The following MYT1L variants were observed in gnomAD, a reference collection of about 807,000 sequenced individuals.
MYT1L encodes myelin transcription factor 1-like protein.
A neutral mutation model predicts 126.7 loss-of-function variants in MYT1L; 12 were observed. The observed-to-expected ratio is 0.09, with a 90% CI of 0.06 to 0.15. The LOEUF (loss-of-function observed/expected upper bound fraction) is 0.15. MYT1L is among the 10% of genes least tolerant of loss of function. The pLI is 1.00. For missense variants in MYT1L, 979 were observed against 1,585.2 expected (o/e 0.62, Z 6.49); for synonymous variants, 541 against 604.2 (o/e 0.90, Z 1.53).
rs544420363 is a variant in MYT1L, at chr2:2,070,335, C to T, written c.-303-16212G>A. On this transcript the variant is annotated intron_variant, in intron 3 of 24. Coordinates refer to ENST00000647738, the MANE Select transcript of MYT1L (RefSeq NM_001303052.2). ...TCTATCCATCCAACTGTCTAACCTG[C>T]GTTGCGACACCACCTCTCACCCCAC... 6.6e-5 allele frequency among the ~76,000 whole-genome samples: 10 copies of T among 152,320 alleles called. No homozygotes were observed. In the South Asian group the frequency reaches 1.2e-3, roughly 19 times the overall value.
intron 3 of MYT1L, among the ~76,000 whole-genome samples, chr2:2,068,508 A>G (rs1210260640): frequency 2.6e-5 from 4 of 152,148 alleles, no homozygotes; most frequent in Non-Finnish European, 4.4e-5. Flanking sequence ...CACATTCCAT[A>G]TTAGCTAAAA....
chr2:1,941,021 G>A (rs1024667154), intron 9 of MYT1L, among the ~76,000 whole-genome samples: 7 of 152,276 alleles, frequency 4.6e-5, no homozygotes, highest in South Asian at 2.1e-4. Flanking sequence ...GCTTTCCAGC[G>A]TTTAAAAACA....
chr2:1,992,793 T>C (rs2061543897), intron 5 of MYT1L, among the ~76,000 whole-genome samples: 1 of 152,180 alleles, frequency 6.6e-6, no homozygotes, highest in Admixed American at 6.5e-5. Flanking sequence ...CTTGTGGAAC[T>C]AACATTAGCC....
At chr2:2,076,659 A>T (rs532063310) in intron 3 of MYT1L, among the ~76,000 whole-genome samples, 3 of 152,362 alleles carry the variant, frequency 2.0e-5, no homozygotes, top group Middle Eastern at 3.4e-3. Flanking sequence ...AAGGAAAACA[A>T]AACTAAACTA....
chr2:1,936,881 T>C (rs1187891973), intron 9 of MYT1L, among the ~76,000 whole-genome samples: 2 of 152,174 alleles, frequency 1.3e-5, no homozygotes, highest in Non-Finnish European at 2.9e-5. Context: ...AATACCAGGA[T>C]GCTCTAGCAA....
chr2:2,044,895 A>G (rs2067987604), intron 4 of MYT1L, among the ~76,000 whole-genome samples: 3 of 152,244 alleles, frequency 2.0e-5, no homozygotes, highest in African/African-American at 7.2e-5. Context: ...TGACATTCAC[A>G]GCAGGTACAA....
intron 2 of MYT1L, among the ~76,000 whole-genome samples, chr2:2,241,467 TTA>T (rs1386545397): frequency 2.6e-5 from 4 of 152,190 alleles, no homozygotes; most frequent in Admixed American, 2.6e-4. Context: ...ACACACTGCT[TTA>T]TGAGGCCAGG....
chr2:2,093,564 G>A (rs908695794), intron 3 of MYT1L, among the ~76,000 whole-genome samples: 1 of 151,940 alleles, frequency 6.6e-6, no homozygotes. Context: ...AAATTTGTTT[G>A]AGTTCTTTGT....
At chr2:1,825,535 C>G (rs2039187756) in intron 21 of MYT1L, 1 of 152,134 alleles carries the variant, frequency 6.6e-6, no homozygotes, top group South Asian at 2.1e-4. Context: ...GAATTACAGT[C>G]TTAGCTTCAC....
At chr2:2,001,092 C>T (rs2062326902) in intron 4 of MYT1L, among the ~76,000 whole-genome samples, 1 of 152,158 alleles carries the variant, frequency 6.6e-6, no homozygotes, top group Non-Finnish European at 1.5e-5. Context: ...TGCCCCCATA[C>T]AACCTGAAAA....
chr2:2,175,980 C>A (rs1202913550), intron 2 of MYT1L, among the ~76,000 whole-genome samples: 2 of 152,184 alleles, frequency 1.3e-5, no homozygotes, highest in Non-Finnish European at 2.9e-5. Flanking sequence ...TCTCCATTAG[C>A]CTTTCCTGGC....
chr2:2,160,351 C>A (rs1470730694), intron 3 of MYT1L, among the ~76,000 whole-genome samples: 1 of 152,144 alleles, frequency 6.6e-6, no homozygotes, highest in African/African-American at 2.4e-5. Flanking sequence ...GCAAGAAAAG[C>A]ATTTACTTTG....
At chr2:2,041,022 T>C (rs2067469367) in intron 4 of MYT1L, among the ~76,000 whole-genome samples, 1 of 152,220 alleles carries the variant, frequency 6.6e-6, no homozygotes, top group Non-Finnish European at 1.5e-5. Context: ...TTACACTGCC[T>C]TTTCTGGAAA....
chr2:2,280,841 T>C (rs2095437473), intron 2 of MYT1L, among the ~76,000 whole-genome samples: 1 of 152,148 alleles, frequency 6.6e-6, no homozygotes, highest in African/African-American at 2.4e-5. Context: ...AATATTGTGG[T>C]TTAAGTCTCC....
intron 8 of MYT1L, among the ~76,000 whole-genome samples, chr2:1,959,719 T>A (rs1303007304): frequency 6.6e-6 from 1 of 152,186 alleles, no homozygotes; most frequent in Non-Finnish European, 1.5e-5. Context: ...CAGTGCACCA[T>A]GACACATTTG....
rs754152793 is a variant in MYT1L at position 1,943,968 on chromosome 2, C to T, written c.153-634G>A. 9.8e-5 allele frequency among the ~76,000 whole-genome samples: 15 copies of T among 152,302 alleles called. No homozygotes were observed. In the East Asian group the frequency reaches 2.5e-3, roughly 26 times the overall value. On this transcript the variant is annotated intron_variant, in intron 8 of 24. Coordinates refer to ENST00000647738, the MANE Select transcript of MYT1L (RefSeq NM_001303052.2). This position sits in a 1 kb window ranked among gnomAD's most constrained non-coding sequence, Gnocchi z 4.4. ...TCAGTCTTAGATGTTATTAGTCCCACGCCAGCATTCCAGAAAACAACTTCA... is the reference window on the plus strand; with the variant it reads ...TCAGTCTTAGATGTTATTAGTCCCATGCCAGCATTCCAGAAAACAACTTCA...
chr2:1,913,644 T>C (rs574129609), intron 11 of MYT1L, among the ~76,000 whole-genome samples: 72 of 152,304 alleles, frequency 4.7e-4, no homozygotes, highest in Middle Eastern at 3.4e-3. Flanking sequence ...CCCTCTGACA[T>C]GTACCTGCAC....
At chr2:2,003,908 TCATGCCTTTCGTG>T (rs1169881193) in intron 4 of MYT1L, among the ~76,000 whole-genome samples, 9 of 152,332 alleles carry the variant, frequency 5.9e-5, no homozygotes, top group Non-Finnish European at 5.9e-5. Context: ...ATACATTGAT[TCATGCCTTTCGTG>T]CATGCCTTCT....
At chr2:2,097,392 T>A (rs1336484162) in intron 3 of MYT1L, among the ~76,000 whole-genome samples, 2 of 152,116 alleles carry the variant, frequency 1.3e-5, no homozygotes, top group Non-Finnish European at 2.9e-5. Context: ...CTTTGGGTCA[T>A]TTAACTCCTT....
Sources: allele counts gnomAD v4.1 joint callset (sites outside exome capture counted in the v4.1 genomes callset), GRCh38; gene constraint gnomAD v4.1.1; non-coding constraint Gnocchi (gnomAD v3.1); transcripts MANE v1.5; gene names NCBI Gene and HGNC (gene_info 2026-07-23, HGNC 2026-07-21).